Variants in PRIM2 observed in about 807,000 individuals in gnomAD.
PRIM2 encodes DNA primase subunit 2.
In PRIM2, 39 loss-of-function variants were observed where a neutral mutation model predicts 67.3. The ratio of observed to expected loss-of-function variants is 0.58; its 90% confidence interval spans 0.45 to 0.76. The LOEUF (loss-of-function observed/expected upper bound fraction) is 0.76. Ranked by LOEUF, PRIM2 falls within the 30% of genes least tolerant of loss-of-function variation. The pLI, the probability that PRIM2 is intolerant of heterozygous loss-of-function variation, is 0.00. For missense variants in PRIM2, 398 were observed against 598.7 expected (o/e 0.66, Z 3.50); for synonymous variants, 143 against 198.7 (o/e 0.72, Z 2.36).
chr6:57,229,536 G>A, the PRIM2 span, among the ~76,000 whole-genome samples: 8 of 150,834 alleles, frequency 5.3e-5, no homozygotes, highest in African/African-American at 2.0e-4. Flanking sequence ...TGCCCAGGCT[G>A]GAGTGCAGTG....
intron 7 of PRIM2, among the ~76,000 whole-genome samples, chr6:57,496,876 C>T (rs1774016558): frequency 6.6e-6 from 1 of 152,116 alleles, no homozygotes; most frequent in Non-Finnish European, 1.5e-5. Flanking sequence ...GTGGTAGTCA[C>T]ATGAAATGAC....
rs1328596621 is a variant in PRIM2 at position 57,546,149 on chromosome 6, C to T, written c.1020+8524C>T. Among the ~76,000 whole-genome samples, 13 of 152,212 alleles carry T rather than the reference C, an allele frequency of 8.5e-5. No homozygotes were observed. In the South Asian group the frequency reaches 1.0e-3, roughly 12 times the overall value. ...GATGCTATGCAGGTTTACTGAAAAG[C>T]GGAAAATAGTATGAGTAAAGTTTCC... On this transcript the variant is annotated intron_variant, in intron 10 of 13. Transcript: ENST00000615550.
intron 8 of PRIM2, among the ~76,000 whole-genome samples, chr6:57,516,162 G>T (rs1554348241): frequency 6.6e-6 from 1 of 151,898 alleles, no homozygotes; most frequent in African/African-American, 2.4e-5. Context: ...AGGCCCGTGC[G>T]ATTAGATCAG....
chr6:57,465,361 GA>G (rs1290914015), intron 7 of PRIM2, among the ~76,000 whole-genome samples: 30 of 152,332 alleles, frequency 2.0e-4, no homozygotes, highest in African/African-American at 6.7e-4. Context: ...CCATTCTGCT[GA>G]AGTTAGGCAG....
rs13201340 is a variant in PRIM2 at position 57,429,383 on chromosome 6, G to A, written c.693+47215G>A. Among the ~76,000 whole-genome samples, 33 of 152,216 alleles carry A rather than the reference G, an allele frequency of 2.2e-4. 1 individual carries two copies. The highest frequency in any genetic ancestry group is 7.5e-4 in the African/African-American group (31 of 41,552). On this transcript the variant is annotated intron_variant, in intron 7 of 13. Transcript: ENST00000615550. ...CAGGGTGGTAAATTATTGAGAATGG[G>A]GGATTTTCAGTAAACGGACTTATTA...
At chr6:57,605,825 T>C (rs1213616665) in intron 11 of PRIM2, among the ~76,000 whole-genome samples, 3 of 152,184 alleles carry the variant, frequency 2.0e-5, no homozygotes, top group Admixed American at 6.5e-5. Context: ...TTCTATGAAA[T>C]AGTTTATTTT....
chr6:57,297,875 G>T, the PRIM2 span, among the ~76,000 whole-genome samples: 1 of 152,126 alleles, frequency 6.6e-6, no homozygotes, highest in Admixed American at 6.5e-5. Flanking sequence ...ACAAAGCAAG[G>T]CTCAAGAACT....
chr6:57,577,285 T>TGCATTTGAACATTTCACTTAATA (rs1775980670), intron 10 of PRIM2, among the ~76,000 whole-genome samples: 1 of 152,208 alleles, frequency 6.6e-6, no homozygotes, highest in East Asian at 1.9e-4. Context: ...TCTTACTGTG[T>TGCATTTGAACATTTCACTTAATA]GCATTTGAAC....
At chr6:57,304,932 A>G in the PRIM2 span, among the ~76,000 whole-genome samples, 1 of 152,236 alleles carries the variant, frequency 6.6e-6, no homozygotes, top group African/African-American at 2.4e-5. Context: ...TTGCTCAAAG[A>G]GAAGAAAATG....
the PRIM2 span, among the ~76,000 whole-genome samples, chr6:57,229,607 C>T: frequency 2.0e-5 from 3 of 152,158 alleles, no homozygotes; most frequent in South Asian, 2.1e-4. Context: ...CTTGCCTTAG[C>T]CTCCCGGGTA....
intron 7 of PRIM2, among the ~76,000 whole-genome samples, chr6:57,431,455 C>G (rs1365313852): frequency 1.3e-5 from 2 of 151,946 alleles, no homozygotes; most frequent in African/African-American, 2.4e-5. Context: ...GAGTTTCAGA[C>G]CAGCCTGGGC....
At chr6:57,431,567 T>G (rs1771828845) in intron 7 of PRIM2, among the ~76,000 whole-genome samples, 1 of 152,084 alleles carries the variant, frequency 6.6e-6, no homozygotes, top group Admixed American at 6.6e-5. Context: ...AGGATTGCCT[T>G]AGCCCAGGAT....
chr6:57,511,280 C>T (rs1554347689), intron 8 of PRIM2, among the ~76,000 whole-genome samples: 1 of 152,106 alleles, frequency 6.6e-6, no homozygotes, highest in Non-Finnish European at 1.5e-5. Context: ...TACAGAAAAA[C>T]ATCGTGCTTC....
intron 7 of PRIM2, among the ~76,000 whole-genome samples, chr6:57,417,934 A>G (rs13195763): frequency 6.6e-6 from 1 of 152,314 alleles, no homozygotes; most frequent in East Asian, 1.9e-4. Flanking sequence ...TGGCAAGTAT[A>G]TGTGCAGCCA....
chr6:57,639,926 A>C (rs1777199613), intron 13 of PRIM2, among the ~76,000 whole-genome samples: 1 of 151,866 alleles, frequency 6.6e-6, no homozygotes, highest in African/African-American at 2.4e-5. Context: ...GCAGAGACAC[A>C]ACAAAAAAAG....
intron 7 of PRIM2, among the ~76,000 whole-genome samples, chr6:57,502,512 A>G (rs1207979500): frequency 1.3e-5 from 2 of 152,154 alleles, no homozygotes; most frequent in Non-Finnish European, 2.9e-5. Flanking sequence ...ATTTTTTTAC[A>G]CGTGACTCAT....
Position 57,544,819 on chromosome 6 carries a change from G to A in PRIM2, c.1020+7194G>A, listed in dbSNP as rs1416277289. On this transcript the variant is annotated intron_variant, in intron 10 of 13. Coordinates refer to ENST00000615550, the MANE Select transcript of PRIM2 (RefSeq NM_000947.5). The stretch of plus-strand genomic sequence containing the variant: ...CTAGAACAGTGCCTGACTCATAGCA[G>A]GCACTCAATAAATGTTTATTGAATA... Among the ~76,000 whole-genome samples the A allele has an allele frequency of 7.2e-3, 1,097 of 152,156 alleles. 16 individuals carry two copies. The highest frequency in any genetic ancestry group is 0.024 in the African/African-American group (1,009 of 41,498).
At chr6:57,511,528 C>T (rs1554347713) in intron 8 of PRIM2, among the ~76,000 whole-genome samples, 6 of 152,126 alleles carry the variant, frequency 3.9e-5, no homozygotes, top group African/African-American at 1.4e-4. Context: ...CTGTCTCCCT[C>T]GTGGAATTAT....
At chr6:57,412,486 G>A (rs4612155) in intron 7 of PRIM2, among the ~76,000 whole-genome samples, 1 of 151,958 alleles carries the variant, frequency 6.6e-6, no homozygotes, top group Non-Finnish European at 1.5e-5. Flanking sequence ...TCAGAGGGTC[G>A]AAATGTCTTG....
Sources: gnomAD v4.1 joint callset for allele counts (sites outside exome capture counted in the v4.1 genomes callset) on GRCh38, gnomAD v4.1.1 for gene constraint, MANE v1.5 for transcripts, NCBI Gene and HGNC (gene_info 2026-07-23, HGNC 2026-07-21) for gene names.